The following CPNE4 variants were observed in gnomAD, a reference collection of about 807,000 sequenced individuals.
CPNE4 encodes the protein copine-4.
A neutral mutation model predicts 67.9 loss-of-function variants in CPNE4; 25 were observed. The observed-to-expected ratio is 0.37, with a 90% CI of 0.27 to 0.51. CPNE4 has a LOEUF of 0.51. CPNE4 is among the 20% of genes least tolerant of loss of function. The probability of loss-of-function intolerance (pLI) is 0.93; values close to 1 mark genes in which losing one functional copy is unlikely to be tolerated. For synonymous variants in CPNE4, 242 were observed against 244.9 expected (o/e 0.99, Z 0.11); for missense variants, 464 against 690.8 (o/e 0.67, Z 3.68).
chr3:131,927,943 A>C (rs2107823587), intron 1 of CPNE4, among the ~76,000 whole-genome samples: 1 of 152,296 alleles, frequency 6.6e-6, no homozygotes, highest in Admixed American at 6.5e-5. Context: ...ATATATGAAA[A>C]CCGCTAAAGA....
chr3:131,611,948 G>C (rs1247404893), intron 7 of CPNE4, among the ~76,000 whole-genome samples: 2 of 152,080 alleles, frequency 1.3e-5, no homozygotes, highest in Non-Finnish European at 2.9e-5. Context: ...TCCAAGTATG[G>C]ACTGTTTTGC....
intron 1 of CPNE4, among the ~76,000 whole-genome samples, chr3:131,920,506 A>C (rs906933884): frequency 6.6e-6 from 1 of 152,174 alleles, no homozygotes; most frequent in Non-Finnish European, 1.5e-5. Flanking sequence ...CAAATATTCA[A>C]GGCAGGACAG....
chr3:131,946,091 G>A lies in CPNE4; in HGVS notation c.-1-40647C>T, dbSNP rs556648286. Among the ~76,000 whole-genome samples the A allele has an allele frequency of 5.5e-4, 84 of 152,272 alleles. 1 individual carries two copies. Among genetic ancestry groups the A allele is most frequent in the African/African-American group, 1.9e-3 (81 of 41,544 alleles). On this transcript the variant is annotated intron_variant, in intron 1 of 15. Coordinates refer to ENST00000429747, the MANE Select transcript of CPNE4 (RefSeq NM_130808.3). The stretch of plus-strand genomic sequence containing the variant: ...CAGTGGGATTCAGCACATTCACAAT[G>A]TTATGCAACTACCACCTCTATCTAG...
chr3:131,753,269 T>A (rs1247889191), intron 2 of CPNE4, among the ~76,000 whole-genome samples: 2 of 151,824 alleles, frequency 1.3e-5, no homozygotes, highest in African/African-American at 4.8e-5. Context: ...TTAAAAAGCA[T>A]GTCTAGAGAC....
chr3:131,742,460 G>A (rs2082381414), intron 2 of CPNE4, among the ~76,000 whole-genome samples: 1 of 152,030 alleles, frequency 6.6e-6, no homozygotes, highest in African/African-American at 2.4e-5. Context: ...TAGTTGCACG[G>A]GCCAATTCTT....
intron 1 of CPNE4, among the ~76,000 whole-genome samples, chr3:131,968,752 G>C (rs969581203): frequency 6.6e-6 from 1 of 152,190 alleles, no homozygotes; most frequent in Non-Finnish European, 1.5e-5. Flanking sequence ...TTTTTACACT[G>C]TTGGTGGGAG....
intron 13 of CPNE4, among the ~76,000 whole-genome samples, chr3:131,551,757 T>G (rs1266537745): frequency 6.6e-6 from 1 of 152,080 alleles, no homozygotes; most frequent in African/African-American, 2.4e-5. Flanking sequence ...AAAAATGTCT[T>G]ATGATCTTCA....
intron 6 of CPNE4, among the ~76,000 whole-genome samples, chr3:131,682,661 G>A (rs73871386): frequency 0.014 from 2,069 of 151,954 alleles, 44 homozygotes; most frequent in African/African-American, 0.047. Context: ...TTCACACAAG[G>A]CTCTAGTACT....
chr3:131,569,663 C>CAA (rs1013001029), intron 10 of CPNE4, among the ~76,000 whole-genome samples: 1 of 91,274 alleles, frequency 1.1e-5, no homozygotes, highest in Admixed American at 1.1e-4. Context: ...CAAAAAAAAA[C>CAA]AAAAAAAAAA....
intron 1 of CPNE4, among the ~76,000 whole-genome samples, chr3:131,939,473 C>G (rs916053464): frequency 6.6e-6 from 1 of 152,084 alleles, no homozygotes; most frequent in Non-Finnish European, 1.5e-5. Flanking sequence ...TTTTAAGAAA[C>G]TATTAACAGT....
chr3:131,881,802 G>A (rs535567473), intron 2 of CPNE4, among the ~76,000 whole-genome samples: 14 of 152,196 alleles, frequency 9.2e-5, no homozygotes, highest in African/African-American at 2.6e-4. Context: ...CTCCCCTTAC[G>A]TAAGAGAGGG....
intron 2 of CPNE4, among the ~76,000 whole-genome samples, chr3:131,728,349 T>G (rs1198771262): frequency 4.6e-5 from 7 of 152,166 alleles, no homozygotes; most frequent in Non-Finnish European, 8.8e-5. Flanking sequence ...TTTACACAAC[T>G]TGTAGGTAGC....
At chr3:131,878,903 T>C (rs2087559288) in intron 2 of CPNE4, among the ~76,000 whole-genome samples, 1 of 152,260 alleles carries the variant, frequency 6.6e-6, no homozygotes, top group African/African-American at 2.4e-5. Context: ...TTCTGGAGAT[T>C]CAATGACAAA....
intron 14 of CPNE4, among the ~76,000 whole-genome samples, chr3:131,548,055 C>A (rs1935970453): frequency 6.6e-6 from 1 of 152,086 alleles, no homozygotes; most frequent in African/African-American, 2.4e-5. Flanking sequence ...ATGGAAGGGC[C>A]AGTGGACTGA....
intron 15 of CPNE4, among the ~76,000 whole-genome samples, chr3:131,537,999 AC>A (rs1935259528): frequency 6.6e-6 from 1 of 152,308 alleles, no homozygotes; most frequent in African/African-American, 2.4e-5. Flanking sequence ...GCCTCTACCC[AC>A]TAGATATGAA....
Position 131,535,017 on chromosome 3 carries a change from C to T in CPNE4, c.*178G>A. On this transcript the variant is annotated 3_prime_UTR_variant, in exon 16 of 16. Coordinates refer to ENST00000429747, the MANE Select transcript of CPNE4 (RefSeq NM_130808.3). ...TAACAATACAAGGGCTTAACAGATC[C>T]AGGCCTCAGGGCTACACATGCAAAA... 1 of 488,806 alleles carries T rather than the reference C, an allele frequency of 2.0e-6. No individual in the cohort carries two copies. Among genetic ancestry groups the T allele is most frequent in the Non-Finnish European group, 3.5e-6 (1 of 287,834 alleles). 30.3% of individuals were successfully genotyped at this position (488,806 alleles called of 1,614,324 possible).
intron 1 of CPNE4, among the ~76,000 whole-genome samples, chr3:131,987,042 A>C (rs1238445612): frequency 6.6e-6 from 1 of 152,232 alleles, no homozygotes; most frequent in African/African-American, 2.4e-5. Flanking sequence ...ATCAATGTGC[A>C]GCCAGCAGTG....
intron 2 of CPNE4, among the ~76,000 whole-genome samples, chr3:131,835,631 TACC>T (rs1264013749): frequency 6.6e-5 from 10 of 152,086 alleles, no homozygotes; most frequent in Non-Finnish European, 1.5e-4. Flanking sequence ...GCCCTAATAA[TACC>T]ACCAAGGACG....
At chr3:131,951,260 TAA>T (rs1237887861) in intron 1 of CPNE4, among the ~76,000 whole-genome samples, 2 of 152,246 alleles carry the variant, frequency 1.3e-5, no homozygotes, top group African/African-American at 4.8e-5. Context: ...TGTGTTATTA[TAA>T]TTTATGTGCT....
Sources: allele counts gnomAD v4.1 joint callset (sites outside exome capture counted in the v4.1 genomes callset), GRCh38; gene constraint gnomAD v4.1.1; transcripts MANE v1.5; gene names NCBI Gene and HGNC (gene_info 2026-07-23, HGNC 2026-07-21).